The following OBSL1 variants were observed in gnomAD, a reference collection of about 807,000 sequenced individuals.
OBSL1 encodes obscurin-like protein 1.
A neutral mutation model predicts 172.0 loss-of-function variants in OBSL1; 160 were observed. The observed-to-expected ratio is 0.93, with a 90% CI of 0.82 to 1.06. The LOEUF is 1.06. OBSL1 is among the 50% of genes least tolerant of loss of function. OBSL1 has a pLI of 0.00. For synonymous variants in OBSL1, 1,200 were observed against 1,196.3 expected, an observed-to-expected ratio of 1.00 and a Z score of -0.06; for missense variants, 2,681 against 2,715.4, an observed-to-expected ratio of 0.99 and a Z score of 0.28.
rs780113909 is a variant in OBSL1 at position 219,552,595 on chromosome 2, C to T, written c.5249G>A (p.Arg1750His). ...CTVSEVETTG[R>H]WELGGRPLRP... ...CAGCGGGCGGCCTCCGAGCTCCCAG[C>T]GCCCCGTGGTCTCGACCTCCGACAC... The change falls in exon 18 of 21, where the codon CGC becomes CAC. Residue 1750 changes from arginine to histidine, a missense_variant. Physicochemically the swap from Arg to His is conservative, Grantham distance 29. Transcript: ENST00000404537. 5 of 1,584,704 alleles carry T rather than the reference C, an allele frequency of 3.2e-6. No individual in the cohort carries two copies. The highest frequency in any genetic ancestry group is 4.3e-6 in the Non-Finnish European group (5 of 1,171,934).
In OBSL1 at chr2:219,556,496, G is replaced by T. The variant is rs774564230; in HGVS notation, c.4294C>A (p.Arg1432=). 1 of 1,613,794 alleles carries T rather than the reference G, an allele frequency of 6.2e-7. No homozygotes were observed. The highest frequency in any genetic ancestry group is 8.5e-7 in the Non-Finnish European group (1 of 1,179,878). ...GCACTTGTGGCCGTGCTCCCTGCCC[G>T]CAAAGTCACGGTCCCTGCATCCCCC... ...QLGDAGTVTL[R]AGSTATSARL... Residue 1432 remains arginine (R), a synonymous_variant, in exon 13 of 21, where the codon CGG becomes AGG. Transcript: ENST00000404537.
At chr2:219,565,045 C>A (rs1696780522) in intron 6 of OBSL1, among the ~76,000 whole-genome samples, 197 bp downstream of exon 6, 1 of 152,118 alleles carries the variant, frequency 6.6e-6, no homozygotes, top group African/African-American at 2.4e-5. Flanking sequence ...CCAGCCAGGG[C>A]AACAGAGTGA....
Position 219,562,492 on chromosome 2 carries a change from G to T in OBSL1, c.2863C>A (p.Leu955Met), listed in dbSNP as rs1396751354. 8.7e-6 allele frequency: 14 copies of T among 1,614,052 alleles called. No homozygotes were observed. The highest frequency in any genetic ancestry group is 1.2e-5 in the Non-Finnish European group (14 of 1,179,896). The stretch of plus-strand genomic sequence containing the variant: ...TCGAGCTGGACAGCGGGCAGCACCA[G>T]GCGGCGGACAGTGTCTTCCTTCTGC... ...LLQKEDTVRRLVLPAVQLEDS... is the reference protein window; with the variant it reads ...LLQKEDTVRRMVLPAVQLEDS... Residue 955 changes from leucine (L) to methionine (M), a missense_variant, in exon 8 of 21, where the codon CTG (leucine) becomes ATG (methionine). By Grantham distance (15) the Leu-to-Met change is conservative. Transcript: ENST00000404537.
At position 219,556,651 on chromosome 2, in the gene OBSL1, C is replaced by T. The variant is rs202001381; in HGVS notation, c.4139G>A (p.Arg1380Gln). The part of the protein sequence containing the change: ...TVHEGDDATF[R>Q]CEVSPPDADV... The stretch of plus-strand genomic sequence containing the variant: ...GGCATCTGGTGGGGAGACTTCACAC[C>T]GGAACGTGGCATCATCGCCCTCGTG... Residue 1380 changes from arginine to glutamine, a missense_variant, in exon 13 of 21, where the codon CGG becomes CAG. This residue lies in a region of OBSL1 where 1,765 missense variants were observed against 1,748.3 expected (regional missense o/e 1.01). Transcript: ENST00000404537. 4.5e-5 allele frequency: 72 copies of T among 1,612,908 alleles called. No individual in the cohort carries two copies. The highest frequency in any genetic ancestry group is 2.9e-4 in the South Asian group (26 of 91,070).
rs1211547785 is a variant in OBSL1, at chr2:219,552,690, A to C, written c.5154T>G (p.Thr1718=). The C allele has an allele frequency of 1.3e-6, 2 of 1,529,082 alleles. No homozygotes were observed. Among genetic ancestry groups the C allele is most frequent in the Non-Finnish European group, 1.8e-6 (2 of 1,140,296 alleles). 94.7% of individuals were successfully genotyped at this position (1,529,082 alleles called of 1,614,324 possible). A position where few individuals can be genotyped will look rare whatever the true frequency, so the allele number is the denominator to read the frequency against. The change falls in exon 18 of 21, where the codon ACT becomes ACG. Residue 1718 remains threonine, a synonymous_variant. Transcript: ENST00000404537. ...GPVRLTVRER[T]VAVLSELRSV... is the part of the protein sequence containing the mutation. ...ACCGCAGCTCGGAGAGTACCGCCAC[A>C]GTACGCTCTGGGGCGGAGCCCGGGG...
chr2:219,552,313 G>A (rs530552440), intron 18 of OBSL1, 97 bp from the exon 19 acceptor site: 3 of 1,178,116 alleles, frequency 2.5e-6, no homozygotes, highest in Non-Finnish European at 3.6e-6. Context: ...CGGTTCGGAC[G>A]CCGTTAGTGT....
Position 219,563,611 on chromosome 2 carries a change from G to A in OBSL1, c.2424C>T (p.Ile808=), listed in dbSNP as rs373392804. The change falls in exon 7 of 21, where the codon ATC becomes ATT. Residue 808 remains isoleucine, a synonymous_variant. Coordinates refer to ENST00000404537, the MANE Select transcript of OBSL1 (RefSeq NM_015311.3). ...GVTVQDPPVH[I]VDPREHVFVH... is the part of the protein sequence containing the mutation. ...CGAACACATGTTCTCGGGGGTCCAC[G>A]ATGTGCACGGGAGGATCTGGGTGGG... The A allele has an allele frequency of 1.1e-4, 172 of 1,612,860 alleles. No homozygotes were observed. The highest frequency in any genetic ancestry group is 1.6e-4 in the Middle Eastern group (1 of 6,078).
chr2:219,562,327 C>A, intron 8 of OBSL1, 75 bp downstream of exon 8: 1 of 1,553,522 alleles, frequency 6.4e-7, no homozygotes. Flanking sequence ...GGGGTGCTAG[C>A]TGGGGCTATG....
chr2:219,568,439 G>T lies in OBSL1; in HGVS notation c.1013-115C>A. On this transcript the variant is annotated intron_variant, in intron 1 of 20. Coordinates refer to ENST00000404537, the MANE Select transcript of OBSL1 (RefSeq NM_015311.3). This position sits in a 1 kb window ranked among gnomAD's most constrained non-coding sequence, Gnocchi z 4.1. ...TGTGCTCTTCATGCAGAGCCAGCGG[G>T]CACTGTGGAATCACAGAAAACTACC... 1 of 1,055,742 alleles carries T rather than the reference G, an allele frequency of 9.5e-7. No individual in the cohort carries two copies. The highest frequency in any genetic ancestry group is 1.3e-6 in the Non-Finnish European group (1 of 751,490). The allele number at this position is 1,055,742 out of a possible 1,614,324, so 65.4% of individuals were successfully genotyped here.
At chr2:219,554,303 C>T in intron 15 of OBSL1, 171 bp downstream of exon 15, 2 of 798,602 alleles carry the variant, frequency 2.5e-6, no homozygotes, top group South Asian at 1.7e-5. Context: ...ACTCTGGGGC[C>T]ACACAGGGCC....
intron 20 of OBSL1, 104 bp from the exon 21 acceptor site, chr2:219,550,946 G>A (rs1258975234): frequency 1.2e-5 from 19 of 1,550,942 alleles, no homozygotes; most frequent in Non-Finnish European, 1.3e-5. Flanking sequence ...TGGGCCCCCA[G>A]GTTCTGCCCT....
intron 6 of OBSL1, 44 bp downstream of exon 6, chr2:219,565,198 A>G: frequency 1.3e-6 from 2 of 1,556,566 alleles, no homozygotes; most frequent in Non-Finnish European, 1.7e-6. Flanking sequence ...GCGGCCCCAC[A>G]ATCAGCCTTG....
chr2:219,549,889 C>T (rs778148683), downstream of OBSL1: 7 of 1,594,574 alleles, frequency 4.4e-6, no homozygotes, highest in Non-Finnish European at 6.0e-6. Flanking sequence ...CAGTCACCAG[C>T]TCTGCCAGCT....
intron 8 of OBSL1, chr2:219,561,842 G>A (rs751550669): frequency 1.7e-5 from 12 of 716,760 alleles, no homozygotes; most frequent in South Asian, 1.6e-4. Context: ...TGGCAGGGAG[G>A]TGGGACAGAG....
At chr2:219,552,495 G>A (rs1695698175) in intron 18 of OBSL1, 41 bp downstream of exon 18, 5 of 1,558,992 alleles carry the variant, frequency 3.2e-6, no homozygotes, top group Middle Eastern at 1.8e-4. Context: ...GAGCCTGGGC[G>A]GGGCAGCGAG....
rs777784583 is a variant in OBSL1, at chr2:219,567,310, ACGGCCATGTCCGCTGACTG to A, written c.1781_1799del (p.Thr594IlefsTer73). The A allele has an allele frequency of 1.2e-6, 2 of 1,604,802 alleles. No homozygotes were observed. Among genetic ancestry groups the A allele is most frequent in the South Asian group, 2.2e-5 (2 of 90,590 alleles). On this transcript the variant is annotated frameshift_variant, in exon 4 of 21. Transcript: ENST00000404537. LOFTEE classifies it high-confidence loss of function. Reference sequence around the variant, plus strand: ...AACCGTGGAACACCACGTGGGGACTACGGCCATGTCCGCTGACTGTGCAGATGCGGAAGCGGTAGTCACC... The same window carrying A: ...AACCGTGGAACACCACGTGGGGACTATGCAGATGCGGAAGCGGTAGTCACC...
intron 6 of OBSL1, among the ~76,000 whole-genome samples, chr2:219,564,055 C>T (rs1696694715): frequency 6.6e-6 from 1 of 152,200 alleles, no homozygotes; most frequent in African/African-American, 2.4e-5. Context: ...GACAGCCACT[C>T]TCCAGGTAGT....
chr2:219,565,570 T>C, intron 5 of OBSL1, 56 bp from the exon 6 acceptor site: 5 of 1,547,482 alleles, frequency 3.2e-6, no homozygotes, highest in Middle Eastern at 1.7e-4. Context: ...GGGCTCAGTG[T>C]CGGATGCATC....
At position 219,563,529 on chromosome 2, in the gene OBSL1, C is replaced by T. The variant is rs374921331; in HGVS notation, c.2506G>A (p.Ala836Thr). The T allele has an allele frequency of 2.9e-5, 47 of 1,613,852 alleles. No homozygotes were observed. In the African/African-American group the frequency reaches 4.8e-4, roughly 17 times the overall value. The change falls in exon 7 of 21, where the codon GCC becomes ACC. Residue 836 changes from alanine (A) to threonine (T), a missense_variant. Physicochemically the swap from Ala to Thr is moderately conservative, Grantham distance 58. Around this residue, in one of 5 missense-constraint regions of OBSL1, gnomAD observed 1,765 missense variants for 1,748.3 expected, o/e 1.01. Transcript: ENST00000404537. ...CCGTCCTTGTACCAACGCACAGGGG[C>T]GTCCTCTCGGTCCACCTCACAGGCC... ...MLACEVDRED[A>T]PVRWYKDGQE...
Sources: allele counts gnomAD v4.1 joint callset (sites outside exome capture counted in the v4.1 genomes callset), GRCh38; gene constraint gnomAD v4.1.1; regional missense constraint gnomAD v4.1.1; non-coding constraint Gnocchi (gnomAD v3.1); transcripts MANE v1.5; gene names NCBI Gene and HGNC (gene_info 2026-07-23, HGNC 2026-07-21).